The following CEP128 variants were observed in gnomAD, a reference collection of about 807,000 sequenced individuals.
The protein encoded by CEP128 is centrosomal protein 128kDa.
Under a neutral mutation model 156.7 loss-of-function variants are expected in CEP128, and 132 were observed. The observed-to-expected ratio is 0.84, with a 90% CI of 0.73 to 0.97. The LOEUF is 0.97. Among genes scored for constraint, CEP128 ranks in the 50% least tolerant of loss-of-function variants. The probability of loss-of-function intolerance (pLI) is 0.00; values close to 1 mark genes in which losing one functional copy is unlikely to be tolerated. For missense variants in CEP128, 1,252 were observed against 1,281.9 expected, an observed-to-expected ratio of 0.98 and a Z score of 0.36; for synonymous variants, 469 against 448.9, an observed-to-expected ratio of 1.04 and a Z score of -0.57.
intron 19 of CEP128, among the ~76,000 whole-genome samples, chr14:80,737,069 G>A (rs74586349): frequency 3.6e-4 from 55 of 152,176 alleles, no homozygotes; most frequent in African/African-American, 1.2e-3. Flanking sequence ...CTCTAAGAGC[G>A]GGCATAATTT....
intron 9 of CEP128, among the ~76,000 whole-genome samples, chr14:80,853,517 T>TA (rs1595499663): frequency 7.7e-5 from 9 of 116,518 alleles, no homozygotes; most frequent in East Asian, 8.9e-4. Context: ...AGATGCAATT[T>TA]TAAAAAAAAA....
chr14:80,955,717 C>T (rs2139669314), intron 2 of CEP128: 2 of 1,614,150 alleles, frequency 1.2e-6, no homozygotes, highest in Middle Eastern at 1.7e-4. Context: ...GGTGCTGCTG[C>T]TCGACCTGCC....
At chr14:80,506,545 G>A (rs1208104063) in intron 23 of CEP128, among the ~76,000 whole-genome samples, 3 of 151,754 alleles carry the variant, frequency 2.0e-5, no homozygotes, top group East Asian at 3.9e-4. Flanking sequence ...AAAGAATCAA[G>A]AAATGTTGGC....
intron 14 of CEP128, among the ~76,000 whole-genome samples, chr14:80,482,075 CTTT>C (rs1485576033): frequency 1.3e-5 from 2 of 151,920 alleles, no homozygotes; most frequent in Non-Finnish European, 2.9e-5. Context: ...AGTGCTGCTC[CTTT>C]TTTTATGAAG....
intron 8 of CEP128, among the ~76,000 whole-genome samples, chr14:80,871,603 G>T (rs1888031829): frequency 6.6e-6 from 1 of 152,006 alleles, no homozygotes; most frequent in African/African-American, 2.4e-5. Flanking sequence ...TTTGAGTGAT[G>T]ACATAATTCC....
At chr14:80,596,438 C>T (rs1892323008) in intron 19 of CEP128, among the ~76,000 whole-genome samples, 2 of 152,052 alleles carry the variant, frequency 1.3e-5, no homozygotes, top group South Asian at 2.1e-4. Flanking sequence ...TAAATAGAAA[C>T]TAAATAAACC....
chr14:80,577,792 C>T lies in CEP128; in HGVS notation c.2856+2582G>A, dbSNP rs952930039. ...CGAAGGTAAAGTCCAAACTCCTCCA[C>T]GAGGTCCTTTAGATCTCTGTTTACT... On this transcript the variant is annotated intron_variant, in intron 20 of 24. Coordinates refer to ENST00000555265, the MANE Select transcript of CEP128 (RefSeq NM_152446.5). Among the ~76,000 whole-genome samples, 5 of 152,220 alleles carry T rather than the reference C, an allele frequency of 3.3e-5. No homozygotes were observed. In the East Asian group the frequency reaches 9.6e-4, roughly 29 times the overall value.
intron 16 of CEP128, among the ~76,000 whole-genome samples, chr14:80,776,082 C>A (rs898894441): frequency 1.3e-5 from 2 of 152,188 alleles, no homozygotes; most frequent in Non-Finnish European, 2.9e-5. Context: ...GATCCGCCCA[C>A]CTCAGCCTCT....
intron 19 of CEP128, among the ~76,000 whole-genome samples, chr14:80,695,204 A>C (rs1896850882): frequency 6.6e-6 from 1 of 152,068 alleles, no homozygotes; most frequent in Non-Finnish European, 1.5e-5. Context: ...AATAGAAAAG[A>C]AAAGAAAAAA....
At chr14:80,689,850 T>C (rs1028401100) in intron 19 of CEP128, among the ~76,000 whole-genome samples, 4 of 150,272 alleles carry the variant, frequency 2.7e-5, no homozygotes, top group African/African-American at 9.8e-5. Context: ...ACATATATAA[T>C]TATACAGTTA....
intron 8 of CEP128, among the ~76,000 whole-genome samples, chr14:80,871,110 GA>G (rs527979653): frequency 1.3e-5 from 2 of 151,028 alleles, no homozygotes; most frequent in African/African-American, 4.9e-5. Flanking sequence ...ATAGCCAGTG[GA>G]AAAAAAAATC....
chr14:80,644,406 G>A (rs1894551817), intron 19 of CEP128, among the ~76,000 whole-genome samples: 1 of 152,164 alleles, frequency 6.6e-6, no homozygotes, highest in Non-Finnish European at 1.5e-5. Flanking sequence ...TGAATAAGTA[G>A]GGCCTGCAAA....
chr14:80,899,598 C>A (rs1268147877), intron 7 of CEP128, among the ~76,000 whole-genome samples: 1 of 152,122 alleles, frequency 6.6e-6, no homozygotes, highest in East Asian at 1.9e-4. Context: ...GTGTGCAATG[C>A]CAAAAGTCAG....
At chr14:80,916,167 A>AT (rs770728380) in intron 3 of CEP128, among the ~76,000 whole-genome samples, 91 of 152,136 alleles carry the variant, frequency 6.0e-4, no homozygotes, top group Non-Finnish European at 6.6e-4. Flanking sequence ...AAGGCAATAG[A>AT]TTTTTCCCTT....
chr14:80,707,690 T>C (rs1897272511), intron 19 of CEP128, among the ~76,000 whole-genome samples: 1 of 152,212 alleles, frequency 6.6e-6, no homozygotes, highest in African/African-American at 2.4e-5. Flanking sequence ...TACTTAACCT[T>C]AGTAATCTAT....
At chr14:80,680,432 T>C (rs1197382) in intron 19 of CEP128, among the ~76,000 whole-genome samples, 12,169 of 152,066 alleles carry the variant, frequency 0.08, 558 homozygotes, top group Middle Eastern at 0.12. Flanking sequence ...CCCAGGAAGA[T>C]CTCCAGGTAT....
At chr14:80,554,944 A>G (rs1237724379) in intron 21 of CEP128, among the ~76,000 whole-genome samples, 2 of 152,078 alleles carry the variant, frequency 1.3e-5, no homozygotes, top group Non-Finnish European at 2.9e-5. Flanking sequence ...ACCAGAAAAA[A>G]ATCCTTCCCA....
At chr14:80,856,731 T>A (rs1432179656) in intron 9 of CEP128, among the ~76,000 whole-genome samples, 10 of 128,910 alleles carry the variant, frequency 7.8e-5, no homozygotes, top group African/African-American at 3.0e-4. Flanking sequence ...TTTTTTTTTT[T>A]TTTTTTTTTT....
chr14:80,545,152 T>A (rs1242220923), intron 21 of CEP128, among the ~76,000 whole-genome samples: 5 of 152,182 alleles, frequency 3.3e-5, no homozygotes, highest in Non-Finnish European at 7.4e-5. Flanking sequence ...TGGAGTCTGA[T>A]AGGACTTCAA....
Sources: gnomAD v4.1 joint callset for allele counts (sites outside exome capture counted in the v4.1 genomes callset) on GRCh38, gnomAD v4.1.1 for gene constraint, MANE v1.5 for transcripts, NCBI Gene and HGNC (gene_info 2026-07-23, HGNC 2026-07-21) for gene names.